The following ANO3 variants were observed in gnomAD, a reference collection of about 807,000 sequenced individuals.
ANO3 encodes the protein anoctamin-3.
Under a neutral mutation model 144.8 loss-of-function variants are expected in ANO3, and 99 were observed. That is an observed-to-expected ratio of 0.68 (90% confidence interval 0.58 to 0.81). The LOEUF is 0.81. Ranked by LOEUF, ANO3 falls within the 30% of genes least tolerant of loss-of-function variation. The pLI is 0.00. For missense variants in ANO3, 905 were observed against 1,202.2 expected (o/e 0.75, Z 3.66); for synonymous variants, 414 against 392.6 (o/e 1.05, Z -0.64).
At chr11:26,392,289 C>T (rs1279574533) in intron 1 of ANO3, among the ~76,000 whole-genome samples, 1 of 148,408 alleles carries the variant, frequency 6.7e-6, no homozygotes, top group Non-Finnish European at 1.5e-5. Context: ...TGGGCTTCAG[C>T]CAAAATTGAG....
chr11:26,523,692 TAA>T (rs1456129832), intron 6 of ANO3, among the ~76,000 whole-genome samples: 1 of 152,244 alleles, frequency 6.6e-6, no homozygotes, highest in African/African-American at 2.4e-5. Context: ...TCTTACCATA[TAA>T]GTGTTCTAAA....
Position 26,540,996 on chromosome 11 carries a change from C to T in ANO3, c.1033-951C>T, listed in dbSNP as rs555449957. On this transcript the variant is annotated intron_variant, in intron 10 of 26. Transcript: ENST00000256737. ...ATTCTACTATGAAGGCACATGCACA[C>T]GTATGTTTATTGCAGCAATATTCAC... 3.9e-5 allele frequency among the ~76,000 whole-genome samples: 6 copies of T among 152,222 alleles called. No individual in the cohort carries two copies. The East Asian group carries it at 7.7e-4, about 20-fold the overall frequency.
intron 1 of ANO3, among the ~76,000 whole-genome samples, chr11:26,239,853 AT>A: frequency 6.6e-6 from 1 of 152,332 alleles, no homozygotes; most frequent in South Asian, 2.1e-4. Flanking sequence ...ATAATTGAAG[AT>A]TTTTACTCTA....
chr11:26,603,900 C>T (rs1174859470), intron 17 of ANO3, among the ~76,000 whole-genome samples: 1 of 152,064 alleles, frequency 6.6e-6, no homozygotes, highest in African/African-American at 2.4e-5. Context: ...TAATTGTCAA[C>T]TCAGGGTATT....
At chr11:26,425,069 C>CTTG in intron 1 of ANO3, among the ~76,000 whole-genome samples, 1 of 141,872 alleles carries the variant, frequency 7.0e-6, no homozygotes, top group South Asian at 2.6e-4. Context: ...GTGTGATGTT[C>CTTG]CCCTTCCTGT....
chr11:26,475,185 T>A (rs1565046970), intron 4 of ANO3, among the ~76,000 whole-genome samples: 1 of 151,960 alleles, frequency 6.6e-6, no homozygotes, highest in Non-Finnish European at 1.5e-5. Context: ...TTTTCTTTCC[T>A]TCTTAGTTTT....
chr11:26,267,774 A>G (rs1335915998), intron 1 of ANO3, among the ~76,000 whole-genome samples: 1 of 152,162 alleles, frequency 6.6e-6, no homozygotes, highest in African/African-American at 2.4e-5. Context: ...GCACTTATTT[A>G]CATAATATTC....
At chr11:26,374,509 T>C (rs1293118242) in intron 1 of ANO3, among the ~76,000 whole-genome samples, 10 of 152,210 alleles carry the variant, frequency 6.6e-5, no homozygotes. Context: ...AGGGAACAAA[T>C]AAGTTTCTGA....
At chr11:26,484,941 A>C (rs1411471580) in intron 4 of ANO3, among the ~76,000 whole-genome samples, 1 of 152,286 alleles carries the variant, frequency 6.6e-6, no homozygotes. Context: ...TGGGGCCTGC[A>C]GCCCCTTTGT....
At chr11:26,626,862 C>T (rs977126439) in intron 18 of ANO3, among the ~76,000 whole-genome samples, 1 of 151,684 alleles carries the variant, frequency 6.6e-6, no homozygotes, top group African/African-American at 2.4e-5. Flanking sequence ...TCCAAGTATT[C>T]TCCTGAATGT....
chr11:26,191,900 T>G (rs1325065248), intron 1 of ANO3, among the ~76,000 whole-genome samples: 1 of 152,174 alleles, frequency 6.6e-6, no homozygotes, highest in Admixed American at 6.5e-5. Flanking sequence ...TATAACTATA[T>G]AGTATGCCAA....
intron 1 of ANO3, among the ~76,000 whole-genome samples, chr11:26,216,236 T>A (rs1852033790): frequency 6.6e-6 from 1 of 152,014 alleles, no homozygotes; most frequent in Non-Finnish European, 1.5e-5. Flanking sequence ...CACAAATGCA[T>A]AATAGCATGT....
chr11:26,243,891 G>A (rs768895957), intron 1 of ANO3, among the ~76,000 whole-genome samples: 47 of 152,066 alleles, frequency 3.1e-4, no homozygotes, highest in Non-Finnish European at 5.4e-4. Context: ...AGGCCGAGGT[G>A]CGCAGATCAA....
intron 1 of ANO3, among the ~76,000 whole-genome samples, chr11:26,424,764 G>C (rs959733475): frequency 1.6e-4 from 25 of 152,058 alleles, no homozygotes; most frequent in African/African-American, 5.8e-4. Flanking sequence ...TAGATCCTAT[G>C]CTATTTCTTG....
At chr11:26,382,520 A>C (rs1320482549) in intron 1 of ANO3, among the ~76,000 whole-genome samples, 1 of 152,178 alleles carries the variant, frequency 6.6e-6, no homozygotes, top group Admixed American at 6.5e-5. Context: ...AGAAAATTTT[A>C]TAAAAATTAG....
At chr11:26,258,295 T>C (rs577432357) in intron 1 of ANO3, among the ~76,000 whole-genome samples, 3 of 152,306 alleles carry the variant, frequency 2.0e-5, no homozygotes, top group African/African-American at 7.2e-5. Context: ...AACAGTCTTA[T>C]TGAACAAAAA....
chr11:26,444,708 A>T (rs903810794), intron 3 of ANO3, among the ~76,000 whole-genome samples: 106 of 152,164 alleles, frequency 7.0e-4, no homozygotes, highest in African/African-American at 2.3e-3. Context: ...TGGCCTAAAA[A>T]CTGTATCTTG....
chr11:26,329,292 C>G (rs1032686150), upstream of ANO3, among the ~76,000 whole-genome samples: 6 of 130,430 alleles, frequency 4.6e-5, no homozygotes, highest in Non-Finnish European at 8.0e-5. Flanking sequence ...TACTTTCTTT[C>G]TTTACACACA....
intron 4 of ANO3, among the ~76,000 whole-genome samples, chr11:26,484,029 A>G (rs1435662888): frequency 6.6e-6 from 1 of 152,184 alleles, no homozygotes; most frequent in Non-Finnish European, 1.5e-5. Flanking sequence ...TGGAAATTTG[A>G]ACTTGAGAAT....
Sources: allele counts gnomAD v4.1 joint callset (sites outside exome capture counted in the v4.1 genomes callset), GRCh38; gene constraint gnomAD v4.1.1; transcripts MANE v1.5; gene names NCBI Gene and HGNC (gene_info 2026-07-23, HGNC 2026-07-21).